Variants in WDR33 observed in about 807,000 individuals in gnomAD.
WDR33 encodes the protein WD repeat domain 33.
Under a neutral mutation model 164.9 loss-of-function variants are expected in WDR33, and 47 were observed. That is an observed-to-expected ratio of 0.29 (90% CI 0.23 to 0.36). The LOEUF (loss-of-function observed/expected upper bound fraction) is 0.36, where lower values mean the gene tolerates loss of function less well. Among genes scored for constraint, WDR33 ranks in the 10% least tolerant of loss-of-function variants. WDR33 has a pLI of 1.00. For synonymous variants in WDR33, 505 were observed against 589.0 expected, an observed-to-expected ratio of 0.86 and a Z score of 2.06; for missense variants, 1,137 against 1,754.1, an observed-to-expected ratio of 0.65 and a Z score of 6.28.
intron 7 of WDR33, among the ~76,000 whole-genome samples, chr2:127,729,482 G>C (rs1009833062): frequency 2.0e-5 from 3 of 151,936 alleles, no homozygotes; most frequent in Admixed American, 6.6e-5. Flanking sequence ...AATTGGAACA[G>C]GGAGAGACTA....
chr2:127,752,320 G>A (rs1365544337), intron 7 of WDR33, among the ~76,000 whole-genome samples: 2 of 152,042 alleles, frequency 1.3e-5, no homozygotes, highest in African/African-American at 4.8e-5. Flanking sequence ...GCCGGGCGCG[G>A]TGGCTCACGC....
chr2:127,767,698 G>A (rs1687864874), intron 4 of WDR33, among the ~76,000 whole-genome samples: 3 of 152,094 alleles, frequency 2.0e-5, no homozygotes, highest in Non-Finnish European at 4.4e-5. Flanking sequence ...CTGGGTGACC[G>A]AGTGAGACTC....
intron 1 of WDR33, among the ~76,000 whole-genome samples, chr2:127,801,574 C>T (rs1223514890): frequency 6.6e-6 from 1 of 150,670 alleles, no homozygotes; most frequent in Non-Finnish European, 1.5e-5. Flanking sequence ...AGAGGTTCTT[C>T]AAAAATGTTA....
chr2:127,781,827 C>G (rs1252496547), intron 1 of WDR33, among the ~76,000 whole-genome samples: 1 of 151,222 alleles, frequency 6.6e-6, no homozygotes, highest in Non-Finnish European at 1.5e-5. Flanking sequence ...GGAGAAACCC[C>G]GTCTCTACTA....
rs1166622976 is a variant in WDR33, at chr2:127,701,831, G to A, written c.*4492C>T. ...TAGCCGCGCTCTACGCACCGGTGTTGCTGCTGCGCGCGCGCAAGTTCGCGC... is the reference window on the plus strand; with the variant it reads ...TAGCCGCGCTCTACGCACCGGTGTTACTGCTGCGCGCGCGCAAGTTCGCGC... On this transcript the variant is annotated 3_prime_UTR_variant, in exon 22 of 22. Transcript: ENST00000322313. The A allele has an allele frequency of 1.4e-6, 2 of 1,458,446 alleles. No homozygotes were observed. The highest frequency in any genetic ancestry group is 1.8e-6 in the Non-Finnish European group (2 of 1,109,700). The allele number at this position is 1,458,446 out of a possible 1,614,324, so 90.3% of individuals were successfully genotyped here.
chr2:127,706,438 C>T lies in WDR33; in HGVS notation c.3896G>A (p.Gly1299Asp). ...HRDEPFGGPPGSGTPSRGGRS... is the reference protein window; with the variant it reads ...HRDEPFGGPPDSGTPSRGGRS... ...GCCCCCTCGAGAAGGGGTGCCACTG[C>T]CTGGAGGGCCCCCAAAAGGTTCATC... The change falls in exon 22 of 22, where the codon GGC becomes GAC. Residue 1299 changes from glycine to aspartate, a missense_variant. By Grantham distance (94) the Gly-to-Asp change is moderately conservative. Coordinates refer to ENST00000322313, the MANE Select transcript of WDR33 (RefSeq NM_018383.5). The surrounding 1 kb of genome is among the most constrained non-coding windows in gnomAD (Gnocchi z 5.1). 3 of 1,613,608 alleles carry T rather than the reference C, an allele frequency of 1.9e-6. No homozygotes were observed. The highest frequency in any genetic ancestry group is 1.1e-5 in the South Asian group (1 of 90,930).
Position 127,714,091 on chromosome 2 carries a change from A to G in WDR33, c.2870-70T>C. The G allele has an allele frequency of 1.4e-6, 2 of 1,395,162 alleles. No homozygotes were observed. Among genetic ancestry groups the G allele is most frequent in the South Asian group, 1.5e-5 (1 of 67,072 alleles). 86.4% of individuals were successfully genotyped at this position (1,395,162 alleles called of 1,614,324 possible). On this transcript the variant is annotated intron_variant, in intron 17 of 21. Coordinates refer to ENST00000322313, the MANE Select transcript of WDR33 (RefSeq NM_018383.5). This position sits in a 1 kb window ranked among gnomAD's most constrained non-coding sequence, Gnocchi z 4.3. ...TGCCAACATAGGTCTGATCTGTAGC[A>G]TCTCTACATTTCAGAATACATTCTT...
rs1312761760 is a variant in WDR33, at chr2:127,732,961, G to A, written c.725-6184C>T. Among the ~76,000 whole-genome samples, 5 of 152,090 alleles carry A rather than the reference G, an allele frequency of 3.3e-5. No homozygotes were observed. The East Asian group carries it at 9.6e-4, about 29-fold the overall frequency. On this transcript the variant is annotated intron_variant, in intron 7 of 21. Coordinates refer to ENST00000322313, the MANE Select transcript of WDR33 (RefSeq NM_018383.5). Reference sequence around the variant, plus strand: ...GAATTTCATGATACAATCATTCCAGGCTCTTTGTGATTCCCCAAATGTGAA... The same window carrying A: ...GAATTTCATGATACAATCATTCCAGACTCTTTGTGATTCCCCAAATGTGAA...
At chr2:127,801,661 T>A (rs932924197) in intron 1 of WDR33, among the ~76,000 whole-genome samples, 1 of 152,268 alleles carries the variant, frequency 6.6e-6, no homozygotes, top group South Asian at 2.1e-4. Flanking sequence ...GGCATGTGCA[T>A]CACTTGAGGT....
chr2:127,749,184 T>C (rs1687246957), intron 7 of WDR33, among the ~76,000 whole-genome samples: 1 of 151,866 alleles, frequency 6.6e-6, no homozygotes, highest in African/African-American at 2.4e-5. Context: ...AAAAATAAAA[T>C]AAAGTTAGAC....
At chr2:127,711,780 A>ATAT in intron 18 of WDR33, among the ~76,000 whole-genome samples, 4 of 88,308 alleles carry the variant, frequency 4.5e-5, no homozygotes, top group Non-Finnish European at 8.0e-5. Context: ...ATATATATAT[A>ATAT]TTTTTTTTTT....
chr2:127,778,784 CTCAGCATACCAAGG>C (rs1573447402), intron 1 of WDR33, among the ~76,000 whole-genome samples: 1 of 152,276 alleles, frequency 6.6e-6, no homozygotes, highest in East Asian at 1.9e-4. Context: ...CTCTAATTCA[CTCAGCATACCAAGG>C]CCAGCATAAT....
Position 127,704,814 on chromosome 2 carries a change from A to G in WDR33, c.*1509T>C, listed in dbSNP as rs1253129999. 1 of 166,922 alleles carries G rather than the reference A, an allele frequency of 6.0e-6. No homozygotes were observed. The highest frequency in any genetic ancestry group is 2.4e-5 in the African/African-American group (1 of 41,418). The allele number at this position is 166,922 out of a possible 1,614,324, so 10.3% of individuals were successfully genotyped here. A position where few individuals can be genotyped will look rare whatever the true frequency, so the allele number is the denominator to read the frequency against. On this transcript the variant is annotated 3_prime_UTR_variant, in exon 22 of 22. Coordinates refer to ENST00000322313, the MANE Select transcript of WDR33 (RefSeq NM_018383.5). ...AAACTTCCAGCACCAGCGGCCAGGT[A>G]CTGTGGCTCAGATCTGCAATCCCAG...
intron 7 of WDR33, among the ~76,000 whole-genome samples, chr2:127,744,671 T>C (rs1687117158): frequency 6.6e-6 from 1 of 152,222 alleles, no homozygotes; most frequent in Non-Finnish European, 1.5e-5. Flanking sequence ...TTATTACCTT[T>C]GTAAAAGGCA....
chr2:127,772,117 C>T (rs1170757565), intron 1 of WDR33, among the ~76,000 whole-genome samples: 1 of 151,860 alleles, frequency 6.6e-6, no homozygotes. Context: ...GCATGAGCCA[C>T]CAAGCCTGGC....
At chr2:127,809,104 C>T (rs1445874416) in intron 1 of WDR33, among the ~76,000 whole-genome samples, 1 of 150,056 alleles carries the variant, frequency 6.7e-6, no homozygotes, top group Non-Finnish European at 1.5e-5. Context: ...ATATCTTTGT[C>T]GTAATCATAA....
intron 1 of WDR33, among the ~76,000 whole-genome samples, chr2:127,809,716 G>A (rs527679548): frequency 1.3e-5 from 2 of 152,096 alleles, no homozygotes; most frequent in Non-Finnish European, 2.9e-5. Context: ...GATTACAGGC[G>A]TGAGCCACCG....
chr2:127,714,045 T>C lies in WDR33; in HGVS notation c.2870-24A>G. ...ACCTAAAGGAAACAAAGCTGACTTT[T>C]ACCATGTCTTCCAGGAAACCTGCCA... is the stretch of plus-strand genomic sequence containing the variant. On this transcript the variant is annotated intron_variant, in intron 17 of 21. Transcript: ENST00000322313. This position sits in a 1 kb window ranked among gnomAD's most constrained non-coding sequence, Gnocchi z 4.3. 1.3e-6 allele frequency: 2 copies of C among 1,498,896 alleles called. No homozygotes were observed. Among genetic ancestry groups the C allele is most frequent in the South Asian group, 1.3e-5 (1 of 74,474 alleles). 92.8% of individuals were successfully genotyped at this position (1,498,896 alleles called of 1,614,324 possible).
intron 7 of WDR33, among the ~76,000 whole-genome samples, chr2:127,745,885 C>T (rs191283203): frequency 6.6e-6 from 1 of 152,026 alleles, no homozygotes; most frequent in East Asian, 1.9e-4. Context: ...TGTGGCTGGG[C>T]ATGGTGGCAA....
Sources: allele counts gnomAD v4.1 joint callset (sites outside exome capture counted in the v4.1 genomes callset), GRCh38; gene constraint gnomAD v4.1.1; non-coding constraint Gnocchi (gnomAD v3.1); transcripts MANE v1.5; gene names NCBI Gene and HGNC (gene_info 2026-07-23, HGNC 2026-07-21).